CTNNA2: variants seen among roughly 807,000 people sequenced by gnomAD.
CTNNA2 encodes catenin alpha-2.
Under a neutral mutation model 101.0 loss-of-function variants are expected in CTNNA2, and 42 were observed. That is an observed-to-expected ratio of 0.42 (90% CI 0.32 to 0.54). The LOEUF (loss-of-function observed/expected upper bound fraction) is 0.54, where lower values mean the gene tolerates loss of function less well. CTNNA2 is among the 20% of genes least tolerant of loss of function. CTNNA2 has a pLI of 0.14. For missense variants in CTNNA2, 871 were observed against 1,223.1 expected, an observed-to-expected ratio of 0.71 and a Z score of 4.29; for synonymous variants, 450 against 456.4, an observed-to-expected ratio of 0.99 and a Z score of 0.18.
intron 7 of CTNNA2, among the ~76,000 whole-genome samples, chr2:80,045,545 C>T (rs559127378): frequency 2.0e-4 from 31 of 152,188 alleles, no homozygotes; most frequent in East Asian, 1.7e-3. Context: ...TACAGTGAAC[C>T]GCAAGTTACC....
At chr2:80,243,104 A>G (rs977025427) in intron 7 of CTNNA2, among the ~76,000 whole-genome samples, 2 of 152,156 alleles carry the variant, frequency 1.3e-5, no homozygotes, top group Non-Finnish European at 2.9e-5. Flanking sequence ...CTATTTTATG[A>G]ATTTCCTTCT....
At chr2:80,628,007 T>C (rs1671863526) in intron 18 of CTNNA2, among the ~76,000 whole-genome samples, 1 of 152,062 alleles carries the variant, frequency 6.6e-6, no homozygotes, top group South Asian at 2.1e-4. Flanking sequence ...TGAACTCCCA[T>C]TCACAATTGC....
rs537109902 is a variant in CTNNA2 at position 79,329,950 on chromosome 2, C to T, written c.-318+17154C>T. 3.9e-5 allele frequency among the ~76,000 whole-genome samples: 6 copies of T among 152,256 alleles called. No homozygotes were observed. In the East Asian group the frequency reaches 1.2e-3, roughly 29 times the overall value. ...CAATTTGCCCCAGCAGGGTGGGTGCCTCCAAGGCCCAAAAACATGACAGGC... is the reference window on the plus strand; with the variant it reads ...CAATTTGCCCCAGCAGGGTGGGTGCTTCCAAGGCCCAAAAACATGACAGGC... On this transcript the variant is annotated intron_variant, in intron 3 of 21. Transcript: ENST00000466387.
At chr2:79,688,476 A>G (rs1010023338) in intron 2 of CTNNA2, among the ~76,000 whole-genome samples, 1 of 152,010 alleles carries the variant, frequency 6.6e-6, no homozygotes, top group Non-Finnish European at 1.5e-5. Context: ...ATATATATCT[A>G]TATGTGTATA....
chr2:79,832,772 GC>G (rs1437154379), intron 3 of CTNNA2, among the ~76,000 whole-genome samples: 1 of 152,176 alleles, frequency 6.6e-6, no homozygotes, highest in Admixed American at 6.5e-5. Flanking sequence ...TTTGTTGATG[GC>G]TTCCTGTGTG....
In CTNNA2 at chr2:80,555,765, G is replaced by A. The variant is rs374311367; in HGVS notation, c.1613G>A (p.Arg538Gln). ...LQEGDVDTLDRTAGAIRGRAA... is the reference protein window; with the variant it reads ...LQEGDVDTLDQTAGAIRGRAA... The stretch of plus-strand genomic sequence containing the variant: ...GAGGGCGATGTGGACACTCTGGACC[G>A]GACTGCAGGGGCCATCAGGGGCCGG... Residue 538 changes from arginine to glutamine, a missense_variant, in exon 12 of 19, where the codon CGG (arginine) becomes CAG (glutamine). Around this residue, in one of 5 missense-constraint regions of CTNNA2, gnomAD observed 647 missense variants for 831.5 expected, o/e 0.78. Transcript: ENST00000402739. 3.3e-5 allele frequency: 52 copies of A among 1,597,266 alleles called. No individual in the cohort carries two copies. Among genetic ancestry groups the A allele is most frequent in the Non-Finnish European group, 3.8e-5 (45 of 1,172,162 alleles).
At chr2:79,394,134 C>A (rs1678204326) in intron 4 of CTNNA2, among the ~76,000 whole-genome samples, 1 of 152,072 alleles carries the variant, frequency 6.6e-6, no homozygotes, top group Admixed American at 6.6e-5. Flanking sequence ...CTTTTACGTG[C>A]ATTAAATCTG....
intron 9 of CTNNA2, among the ~76,000 whole-genome samples, chr2:80,434,520 T>C (rs1681855263): frequency 6.8e-6 from 1 of 147,468 alleles, no homozygotes; most frequent in Non-Finnish European, 1.5e-5. Flanking sequence ...AGCCAGGGTT[T>C]CACCCTGTCA....
At chr2:80,181,907 C>A (rs887961362) in intron 7 of CTNNA2, among the ~76,000 whole-genome samples, 2 of 152,142 alleles carry the variant, frequency 1.3e-5, no homozygotes, top group Non-Finnish European at 2.9e-5. Context: ...ATTAAGCAGC[C>A]AACTCCAGAA....
At chr2:79,438,142 G>C (rs114803622) in intron 4 of CTNNA2, among the ~76,000 whole-genome samples, 60 of 152,322 alleles carry the variant, frequency 3.9e-4, no homozygotes, top group Admixed American at 1.0e-3. Flanking sequence ...ACAGTGCATG[G>C]AGACGCGGAG....
At chr2:79,903,565 A>G (rs1685216125) in intron 6 of CTNNA2, among the ~76,000 whole-genome samples, 1 of 152,152 alleles carries the variant, frequency 6.6e-6, no homozygotes. Flanking sequence ...ATGTCCATTC[A>G]GGCCCTTGAG....
intron 7 of CTNNA2, chr2:80,313,400 G>C: frequency 7.3e-7 from 1 of 1,371,378 alleles, no homozygotes; most frequent in Non-Finnish European, 9.5e-7. Context: ...TAGATAAAAT[G>C]TGGTGCCTAC....
chr2:80,635,430 G>A (rs901744533), intron 18 of CTNNA2, among the ~76,000 whole-genome samples: 2 of 152,066 alleles, frequency 1.3e-5, no homozygotes, highest in African/African-American at 2.4e-5. Context: ...CTTAAATGAT[G>A]ATAGCATTTC....
chr2:80,274,914 T>A (rs978165275), intron 7 of CTNNA2, among the ~76,000 whole-genome samples: 2 of 152,198 alleles, frequency 1.3e-5, no homozygotes, highest in Non-Finnish European at 2.9e-5. Context: ...GACCTTATCA[T>A]ACCATAATGA....
chr2:80,144,455 A>C (rs1249777874), intron 7 of CTNNA2, among the ~76,000 whole-genome samples: 1 of 152,242 alleles, frequency 6.6e-6, no homozygotes, highest in Non-Finnish European at 1.5e-5. Flanking sequence ...AAATGTAAGA[A>C]TACAACAACT....
chr2:80,490,277 C>CT (rs1559152175), intron 9 of CTNNA2, among the ~76,000 whole-genome samples: 7 of 57,444 alleles, frequency 1.2e-4, no homozygotes, highest in Non-Finnish European at 1.6e-4. Context: ...TCCTTCCCCC[C>CT]CCACCCCCCC....
intron 3 of CTNNA2, among the ~76,000 whole-genome samples, chr2:79,760,495 T>C (rs969037663): frequency 1.3e-5 from 2 of 152,176 alleles, no homozygotes; most frequent in African/African-American, 4.8e-5. Flanking sequence ...ATTTCTTCTT[T>C]TCCAGCAGAC....
At chr2:79,838,567 TTATTATAGG>T (rs1679565713) in intron 3 of CTNNA2, among the ~76,000 whole-genome samples, 2 of 152,250 alleles carry the variant, frequency 1.3e-5, no homozygotes, top group South Asian at 4.1e-4. Flanking sequence ...TGATTAGACA[TTATTATAGG>T]TATTGATTCT....
chr2:79,388,564 G>T (rs1212183705), intron 4 of CTNNA2, among the ~76,000 whole-genome samples: 1 of 152,170 alleles, frequency 6.6e-6, no homozygotes, highest in Non-Finnish European at 1.5e-5. Context: ...AGAATTTACA[G>T]TAATGATGTG....
Sources: allele counts gnomAD v4.1 joint callset (sites outside exome capture counted in the v4.1 genomes callset), GRCh38; gene constraint gnomAD v4.1.1; regional missense constraint gnomAD v4.1.1; transcripts MANE v1.5; gene names NCBI Gene and HGNC (gene_info 2026-07-23, HGNC 2026-07-21).